BMP2K: variants seen among roughly 807,000 people sequenced by gnomAD.
The protein encoded by BMP2K is BMP2 inducible kinase.
Under a neutral mutation model 116.0 loss-of-function variants are expected in BMP2K, and 74 were observed. The observed-to-expected ratio is 0.64, with a 90% confidence interval of 0.53 to 0.77. The LOEUF (loss-of-function observed/expected upper bound fraction) is 0.77. Ranked by LOEUF, BMP2K falls within the 30% of genes least tolerant of loss-of-function variation. The pLI is 0.00. For missense variants in BMP2K, 1,365 were observed against 1,403.6 expected, an observed-to-expected ratio of 0.97 and a Z score of 0.44; for synonymous variants, 486 against 502.5, an observed-to-expected ratio of 0.97 and a Z score of 0.44.
chr4:78,876,457 A>C (rs770929222), intron 13 of BMP2K, among the ~76,000 whole-genome samples: 3 of 152,172 alleles, frequency 2.0e-5, no homozygotes, highest in Non-Finnish European at 4.4e-5. Flanking sequence ...CTTACTATTT[A>C]TTTTCCTCTG....
chr4:78,861,809 T>A (rs900208553), intron 9 of BMP2K, among the ~76,000 whole-genome samples: 1 of 151,984 alleles, frequency 6.6e-6, no homozygotes, highest in Non-Finnish European at 1.5e-5. Context: ...AGATGTTTAT[T>A]TTTTTAATTT....
Position 78,844,989 on chromosome 4 carries a change from C to T in BMP2K, c.608C>T (p.Thr203Ile). Residue 203 changes from threonine to isoleucine, a missense_variant, in exon 5 of 16, where the codon ACT becomes ATT. Around this residue, in one of 3 missense-constraint regions of BMP2K, gnomAD observed 762 missense variants for 756.7 expected, o/e 1.01. Coordinates refer to ENST00000502613, the MANE Select transcript of BMP2K (RefSeq NM_198892.2). ...NYVLCDFGSA[T>I]NKFLNPQKDG... Reference sequence around the variant, plus strand: ...GTACTTTGTGACTTTGGCAGTGCCACTAATAAATTTCTTAATCCTCAAAAA... The same window carrying T: ...GTACTTTGTGACTTTGGCAGTGCCATTAATAAATTTCTTAATCCTCAAAAA... The T allele has an allele frequency of 1.3e-6, 2 of 1,595,366 alleles. No individual in the cohort carries two copies. The highest frequency in any genetic ancestry group is 3.3e-4 in the Middle Eastern group (2 of 6,020).
chr4:78,853,105 T>C (rs1731334645), intron 7 of BMP2K, among the ~76,000 whole-genome samples: 1 of 152,176 alleles, frequency 6.6e-6, no homozygotes, highest in African/African-American at 2.4e-5. Context: ...TCATGCAATG[T>C]AGTTGTTTCC....
intron 1 of BMP2K, among the ~76,000 whole-genome samples, chr4:78,811,715 C>A (rs1010960513): frequency 3.3e-5 from 5 of 152,252 alleles, no homozygotes; most frequent in Middle Eastern, 3.4e-3. Flanking sequence ...TATTTTTATC[C>A]ATTTATAAAG....
rs1177150291 is a variant in BMP2K, at chr4:78,841,256, C to T, written c.404-1129C>T. 3.3e-5 allele frequency among the ~76,000 whole-genome samples: 5 copies of T among 152,088 alleles called. No homozygotes were observed. The East Asian group carries it at 9.6e-4, about 29-fold the overall frequency. On this transcript the variant is annotated intron_variant, in intron 3 of 15. Transcript: ENST00000502613. ...AATAGCATATGTTCATTTATCTAAC[C>T]TTGTTAAAGGAAAGTTGCAAGTTAA...
At chr4:78,865,812 T>C (rs1292084836) in intron 10 of BMP2K, 92 bp downstream of exon 10, 1 of 1,303,630 alleles carries the variant, frequency 7.7e-7, no homozygotes, top group Non-Finnish European at 1.1e-6. Flanking sequence ...ATCCTTAATA[T>C]TGTAAAGTAG....
chr4:78,912,137 A>T lies in BMP2K; in HGVS notation c.*104A>T, dbSNP rs1734669289. On this transcript the variant is annotated 3_prime_UTR_variant, in exon 16 of 16. Transcript: ENST00000502613. ...GTAGCTCTTTATAGCATTCATTCTT[A>T]AAGATCAGTCAGAATAGGTGATTTC... 1.1e-5 allele frequency: 11 copies of T among 1,031,700 alleles called. No homozygotes were observed. The highest frequency in any genetic ancestry group is 1.6e-5 in the African/African-American group (1 of 62,398). 63.9% of individuals were successfully genotyped at this position (1,031,700 alleles called of 1,614,324 possible). A position where few individuals can be genotyped will look rare whatever the true frequency, so the allele number is the denominator to read the frequency against.
rs1408274763 is a variant in BMP2K at position 78,776,668 on chromosome 4, G to A, written c.125G>A (p.Arg42Gln). 2 of 1,239,046 alleles carry A rather than the reference G, an allele frequency of 1.6e-6. No individual in the cohort carries two copies. The highest frequency in any genetic ancestry group is 1.0e-6 in the Non-Finnish European group (1 of 987,452). The allele number at this position is 1,239,046 out of a possible 1,614,324, so 76.8% of individuals were successfully genotyped here. A position where few individuals can be genotyped will look rare whatever the true frequency, so the allele number is the denominator to read the frequency against. The change falls in exon 1 of 16, where the codon CGG becomes CAG. Residue 42 changes from arginine (R) to glutamine (Q), a missense_variant. Physicochemically the swap from Arg to Gln is conservative, Grantham distance 43. This residue lies in a region of BMP2K where 762 missense variants were observed against 756.7 expected (regional missense o/e 1.01). Transcript: ENST00000502613. ...CGSGGSSVGV[R>Q]VFAVGRHQVT... Reference sequence around the variant, plus strand: ...TCCGGCGGCTCGTCCGTGGGGGTCCGGGTGTTCGCGGTCGGCCGCCACCAG... The same window carrying A: ...TCCGGCGGCTCGTCCGTGGGGGTCCAGGTGTTCGCGGTCGGCCGCCACCAG...
chr4:78,808,563 G>T (rs889716684), intron 1 of BMP2K, among the ~76,000 whole-genome samples: 15 of 152,060 alleles, frequency 9.9e-5, no homozygotes, highest in African/African-American at 3.6e-4. Context: ...ACCATGCCCG[G>T]CCGCTTCCTT....
At chr4:78,817,781 C>CAGATTGGTTTT (rs1183803368) in intron 1 of BMP2K, among the ~76,000 whole-genome samples, 26 of 152,146 alleles carry the variant, frequency 1.7e-4, no homozygotes, top group African/African-American at 6.3e-4. Flanking sequence ...ATCTGTCTAA[C>CAGATTGGTTTT]CTCTAGTTGG....
At chr4:78,827,644 T>G (rs1442135546) in intron 2 of BMP2K, among the ~76,000 whole-genome samples, 2 of 152,118 alleles carry the variant, frequency 1.3e-5, no homozygotes, top group African/African-American at 2.4e-5. Context: ...TCTACTTTAA[T>G]GCACCCCTCA....
chr4:78,857,315 C>A (rs1368891666), intron 7 of BMP2K, among the ~76,000 whole-genome samples: 1 of 152,014 alleles, frequency 6.6e-6, no homozygotes, highest in Non-Finnish European at 1.5e-5. Context: ...GAAAACATGA[C>A]CCAGGGGAAT....
At chr4:78,876,549 A>C (rs1475812770) in intron 13 of BMP2K, among the ~76,000 whole-genome samples, 2 of 152,216 alleles carry the variant, frequency 1.3e-5, no homozygotes, top group Admixed American at 6.5e-5. Context: ...AAGGGATTAA[A>C]TAGACGACTT....
At chr4:78,789,033 T>C (rs117903882) in intron 1 of BMP2K, among the ~76,000 whole-genome samples, 1,931 of 152,048 alleles carry the variant, frequency 0.013, 20 homozygotes, top group East Asian at 0.02. Flanking sequence ...TAGGAAACAA[T>C]GTGTAAGAAC....
chr4:78,823,614 G>GTATA (rs765278568), intron 1 of BMP2K, among the ~76,000 whole-genome samples: 7 of 146,300 alleles, frequency 4.8e-5, no homozygotes, highest in African/African-American at 1.7e-4. Flanking sequence ...ATATATAGGT[G>GTATA]TATATATATA....
Position 78,865,731 on chromosome 4 carries a change from C to T in BMP2K, c.1231+11C>T, listed in dbSNP as rs780276234. 2.0e-5 allele frequency: 32 copies of T among 1,612,768 alleles called. No homozygotes were observed. The highest frequency in any genetic ancestry group is 6.7e-5 in the Admixed American group (4 of 59,934). ...ACCATAGACCAAAAGGTAATAGAGCCCCGCCAACCTCATCCTCTTAAAGGT... is the reference window on the plus strand; with the variant it reads ...ACCATAGACCAAAAGGTAATAGAGCTCCGCCAACCTCATCCTCTTAAAGGT... On this transcript the variant is annotated intron_variant, in intron 10 of 15. Coordinates refer to ENST00000502613, the MANE Select transcript of BMP2K (RefSeq NM_198892.2).
chr4:78,833,631 T>C lies in BMP2K; in HGVS notation c.347T>C (p.Val116Ala). Residue 116 changes from valine to alanine, a missense_variant, in exon 3 of 16, where the codon GTT (valine) becomes GCT (alanine). Val to Ala is a moderately conservative substitution (Grantham distance 64). Coordinates refer to ENST00000502613, the MANE Select transcript of BMP2K (RefSeq NM_198892.2). ...ATTGTGGGCTATTTGGACTGTGCTGTTAATTCAATTAGTGATAATGTATGG... is the reference window on the plus strand; with the variant it reads ...ATTGTGGGCTATTTGGACTGTGCTGCTAATTCAATTAGTGATAATGTATGG... ...KNIVGYLDCA[V>A]NSISDNVWEV... 6.2e-7 allele frequency: 1 copy of C among 1,607,490 alleles called. No homozygotes were observed. The highest frequency in any genetic ancestry group is 8.5e-7 in the Non-Finnish European group (1 of 1,178,336).
chr4:78,801,695 G>T (rs1162910379), intron 1 of BMP2K, among the ~76,000 whole-genome samples: 1 of 151,968 alleles, frequency 6.6e-6, no homozygotes, highest in African/African-American at 2.4e-5. Context: ...TACTTTTTCT[G>T]TTGTTTTAGT....
intron 1 of BMP2K, among the ~76,000 whole-genome samples, chr4:78,783,875 A>G (rs1175156990): frequency 1.3e-5 from 2 of 152,128 alleles, no homozygotes; most frequent in Non-Finnish European, 2.9e-5. Flanking sequence ...CATGCCAAAT[A>G]TCTTTGCTTT....
Sources: gnomAD v4.1 joint callset for allele counts (sites outside exome capture counted in the v4.1 genomes callset) on GRCh38, gnomAD v4.1.1 for gene constraint, gnomAD v4.1.1 regional missense constraint, MANE v1.5 for transcripts, NCBI Gene and HGNC (gene_info 2026-07-23, HGNC 2026-07-21) for gene names.